RGPD3: variants seen among roughly 807,000 people sequenced by gnomAD.
The protein encoded by RGPD3 is ranBP2-like and GRIP domain-containing protein 3.
Under a neutral mutation model 154.5 loss-of-function variants are expected in RGPD3, and 62 were observed. The ratio of observed to expected loss-of-function variants is 0.40; its 90% CI spans 0.33 to 0.50. The LOEUF is 0.50. Ranked by LOEUF, RGPD3 falls within the 20% of genes least tolerant of loss-of-function variation. The pLI, the probability that RGPD3 is intolerant of heterozygous loss-of-function variation, is 0.59. For missense variants in RGPD3, 919 were observed against 1,716.8 expected (o/e 0.54, Z 8.21); for synonymous variants, 308 against 607.0 (o/e 0.51, Z 7.24).
chr2:106,468,376 C>T lies in RGPD3; in HGVS notation c.-88G>A. 2 of 1,545,348 alleles carry T rather than the reference C, an allele frequency of 1.3e-6. No individual in the cohort carries two copies. Among genetic ancestry groups the T allele is most frequent in the South Asian group, 2.4e-5 (2 of 83,998 alleles). On this transcript the variant is annotated 5_prime_UTR_variant, in exon 1 of 23. Transcript: ENST00000409886. The stretch of plus-strand genomic sequence containing the variant: ...ATTCCAAGAGGAAAGCGCCTGAAAG[C>T]CACTGAGGCAGCGGCGTAGCCGGCG...
intron 17 of RGPD3, among the ~76,000 whole-genome samples, 198 bp downstream of exon 17, chr2:106,432,737 T>A (rs1370284643): frequency 2.0e-5 from 2 of 98,786 alleles, no homozygotes; most frequent in Admixed American, 1.3e-4. Flanking sequence ...TAAGCTGTGA[T>A]CATACCACTG....
rs759280062 is a variant in RGPD3 at position 106,424,816 on chromosome 2, C to G, written c.3151G>C (p.Val1051Leu). 4.3e-6 allele frequency: 7 copies of G among 1,611,780 alleles called. No homozygotes were observed. The South Asian group carries it at 7.7e-5, about 18-fold the overall frequency. ...VVQMPEKVEL[V>L]TGEEGEKVLY... The stretch of plus-strand genomic sequence containing the variant: ...ACTTTTTCACCTTCTTCTCCTGTTA[C>G]AAGTTCTACTTTTTCAGGCATTTGA... Residue 1051 changes from valine (V) to leucine (L), a missense_variant, in exon 20 of 23, where the codon GTA becomes CTA. Coordinates refer to ENST00000409886, the MANE Select transcript of RGPD3 (RefSeq NM_001144013.2).
intron 6 of RGPD3, among the ~76,000 whole-genome samples, chr2:106,451,477 C>G: frequency 6.7e-6 from 1 of 149,302 alleles, no homozygotes; most frequent in Non-Finnish European, 1.5e-5. Context: ...GCTTTACAGG[C>G]ATACAATCTC....
upstream of RGPD3, among the ~76,000 whole-genome samples, chr2:106,468,603 C>T: frequency 6.6e-6 from 1 of 152,016 alleles, no homozygotes; most frequent in East Asian, 1.9e-4. Context: ...GTCAAGAGTT[C>T]AAGACCAGCC....
Position 106,403,685 on chromosome 2 carries a change from C to A in RGPD3, c.*1534G>T, listed in dbSNP as rs1172350804. On this transcript the variant is annotated 3_prime_UTR_variant, in exon 23 of 23. Transcript: ENST00000409886. ...CAGTTTATAAAGTAAAAAAACTAAA[C>A]TCTTCATGTCGGCTCTGAAATAGAT... is the stretch of plus-strand genomic sequence containing the variant. 5.2e-5 allele frequency among the ~76,000 whole-genome samples: 8 copies of A among 152,392 alleles called. No individual in the cohort carries two copies. The East Asian group carries it at 1.5e-3, about 29-fold the overall frequency.
chr2:106,449,473 A>C (rs1678043224), intron 6 of RGPD3, among the ~76,000 whole-genome samples: 1 of 151,194 alleles, frequency 6.6e-6, no homozygotes, highest in Non-Finnish European at 1.5e-5. Context: ...TCTCAAAAAA[A>C]AAAAAAAAAA....
intron 22 of RGPD3, 129 bp downstream of exon 22, chr2:106,412,955 C>G (rs1676718755): frequency 1.8e-6 from 2 of 1,097,950 alleles, no homozygotes; most frequent in South Asian, 2.8e-5. Context: ...CTAGTCACGG[C>G]CTACTCATAT....
intron 9 of RGPD3, among the ~76,000 whole-genome samples, chr2:106,438,088 C>T (rs1344598744): frequency 3.3e-5 from 5 of 151,884 alleles, no homozygotes; most frequent in Admixed American, 6.6e-5. Context: ...CCACCACCCC[C>T]GGATAATTTT....
intron 7 of RGPD3, among the ~76,000 whole-genome samples, chr2:106,443,685 CTT>C (rs560481936): frequency 0.011 from 869 of 82,144 alleles, no homozygotes; most frequent in Middle Eastern, 0.025. Flanking sequence ...TCACTATTTC[CTT>C]TTTTTTTTTT....
chr2:106,470,854 C>T, upstream of RGPD3: 1 of 1,602,898 alleles, frequency 6.2e-7, no homozygotes, highest in Non-Finnish European at 8.5e-7. Context: ...CTAACGCCAT[C>T]TAGTGGAGTA....
chr2:106,442,190 GAA>G (rs556007107), intron 7 of RGPD3, among the ~76,000 whole-genome samples: 2 of 35,766 alleles, frequency 5.6e-5, no homozygotes, highest in African/African-American at 1.0e-4. Flanking sequence ...TCCAACAAAA[GAA>G]AAAAAAAAAA....
intron 20 of RGPD3, among the ~76,000 whole-genome samples, chr2:106,421,663 G>A (rs1042674938): frequency 1.3e-5 from 2 of 152,094 alleles, no homozygotes; most frequent in East Asian, 3.9e-4. Context: ...TGTTAAAAAC[G>A]GGGGTCCATT....
intron 19 of RGPD3, 47 bp from the exon 20 acceptor site, chr2:106,425,313 T>C: frequency 6.2e-7 from 1 of 1,608,244 alleles, no homozygotes; most frequent in Non-Finnish European, 8.5e-7. Context: ...ATGCCCAAAA[T>C]AGTCATGAAA....
At chr2:106,426,753 T>C (rs1677209592) in intron 18 of RGPD3, among the ~76,000 whole-genome samples, 1 of 152,256 alleles carries the variant, frequency 6.6e-6, no homozygotes, top group Non-Finnish European at 1.5e-5. Flanking sequence ...TTGAACTGTT[T>C]TATGATAGTT....
chr2:106,456,901 GTAATT>G, intron 4 of RGPD3, 65 bp downstream of exon 4: 1 of 1,584,612 alleles, frequency 6.3e-7, no homozygotes, highest in Non-Finnish European at 8.6e-7. Flanking sequence ...CTATTGAAAA[GTAATT>G]TAAACTCCAA....
intron 1 of RGPD3, among the ~76,000 whole-genome samples, 185 bp downstream of exon 1, chr2:106,468,032 G>A (rs1213908928): frequency 7.0e-6 from 1 of 143,630 alleles, no homozygotes; most frequent in South Asian, 2.2e-4. Context: ...CCGGTCGGGA[G>A]CCATGACGCC....
At position 106,426,832 on chromosome 2, in the gene RGPD3, G is replaced by A. The variant is rs1213063313; in HGVS notation, c.2606-744C>T. Among the ~76,000 whole-genome samples, 9 of 152,306 alleles carry A rather than the reference G, an allele frequency of 5.9e-5. 1 individual carries two copies. The South Asian group carries it at 1.9e-3, about 32-fold the overall frequency. On this transcript the variant is annotated intron_variant, in intron 18 of 22. Coordinates refer to ENST00000409886, the MANE Select transcript of RGPD3 (RefSeq NM_001144013.2). ...AGAAGAAACAGAAACTGTGCCAAGAGGTTCCAAACAATTGCCTCTGGAAAG... is the reference window on the plus strand; with the variant it reads ...AGAAGAAACAGAAACTGTGCCAAGAAGTTCCAAACAATTGCCTCTGGAAAG...
chr2:106,408,747 C>T (rs917285159), intron 22 of RGPD3, among the ~76,000 whole-genome samples: 19 of 151,860 alleles, frequency 1.3e-4, no homozygotes, highest in Admixed American at 2.0e-4. Context: ...ACCAGGATTT[C>T]GACCAGAAGT....
At position 106,405,105 on chromosome 2, in the gene RGPD3, A is replaced by T; in HGVS notation, c.*114T>A. 2.0e-6 allele frequency: 3 copies of T among 1,470,440 alleles called. No homozygotes were observed. Among genetic ancestry groups the T allele is most frequent in the Non-Finnish European group, 2.8e-6 (3 of 1,067,090 alleles). The allele number at this position is 1,470,440 out of a possible 1,614,324, so 91.1% of individuals were successfully genotyped here. ...AAAAGAATGATGGTAATACACATGA[A>T]CCATTTTTGTAAATAGATTTTATTT... On this transcript the variant is annotated 3_prime_UTR_variant, in exon 23 of 23. Transcript: ENST00000409886.
Sources: allele counts gnomAD v4.1 joint callset (sites outside exome capture counted in the v4.1 genomes callset), GRCh38; gene constraint gnomAD v4.1.1; transcripts MANE v1.5; gene names NCBI Gene and HGNC (gene_info 2026-07-23, HGNC 2026-07-21).